Variants in SULF1 observed in about 807,000 individuals in gnomAD.
SULF1 encodes the protein sulfatase 1.
A neutral mutation model predicts 110.5 loss-of-function variants in SULF1; 46 were observed. The observed-to-expected ratio is 0.42, with a 90% CI of 0.33 to 0.53. The LOEUF is 0.53. SULF1 is among the 20% of genes least tolerant of loss of function. SULF1 has a pLI of 0.12. For synonymous variants in SULF1, 371 were observed against 387.1 expected (o/e 0.96, Z 0.49); for missense variants, 941 against 1,094.2 (o/e 0.86, Z 1.98).
At chr8:69,561,834 C>A (rs940663068) in intron 3 of SULF1, among the ~76,000 whole-genome samples, 3 of 152,198 alleles carry the variant, frequency 2.0e-5, no homozygotes, top group African/African-American at 7.2e-5. Context: ...CATTGTTTAT[C>A]ATTTTATTAC....
chr8:69,529,385 A>G (rs1345585671), intron 3 of SULF1, among the ~76,000 whole-genome samples: 1 of 152,174 alleles, frequency 6.6e-6, no homozygotes, highest in Non-Finnish European at 1.5e-5. Context: ...TGCTCTAACT[A>G]CGACCTCTAA....
chr8:69,629,680 G>A lies in SULF1; in HGVS notation c.2284+1G>A, dbSNP rs776145876. ...TGGCAGACAGCCCCGTTCTGGAACCGTAAGTTGCTTGTTCCAAATGCCACT... is the reference window on the plus strand; with the variant it reads ...TGGCAGACAGCCCCGTTCTGGAACCATAAGTTGCTTGTTCCAAATGCCACT... On this transcript the variant is annotated splice_donor_variant, in intron 19 of 22. Coordinates refer to ENST00000402687, the MANE Select transcript of SULF1 (RefSeq NM_001128205.2). LOFTEE classifies it high-confidence loss of function. 3 of 1,595,320 alleles carry A rather than the reference G, an allele frequency of 1.9e-6. No individual in the cohort carries two copies. Among genetic ancestry groups the A allele is most frequent in the South Asian group, 1.1e-5 (1 of 88,192 alleles).
intron 7 of SULF1, among the ~76,000 whole-genome samples, chr8:69,588,669 G>A (rs182847762): frequency 4.6e-5 from 7 of 152,108 alleles, no homozygotes; most frequent in Admixed American, 2.0e-4. Flanking sequence ...TACTTTTATC[G>A]CCAGATTAAT....
intron 8 of SULF1, among the ~76,000 whole-genome samples, chr8:69,596,915 T>G (rs572468633): frequency 3.3e-5 from 5 of 152,280 alleles, no homozygotes; most frequent in African/African-American, 1.2e-4. Context: ...CAAGAACTCT[T>G]TAAAGTTGTT....
intron 1 of SULF1, among the ~76,000 whole-genome samples, chr8:69,487,211 C>T (rs1169260879): frequency 6.6e-6 from 1 of 152,180 alleles, no homozygotes; most frequent in Non-Finnish European, 1.5e-5. Flanking sequence ...GTACCAAGTA[C>T]TTTTTAATCC....
At chr8:69,524,177 A>G (rs1175325975) in intron 3 of SULF1, among the ~76,000 whole-genome samples, 1 of 152,070 alleles carries the variant, frequency 6.6e-6, no homozygotes, top group Non-Finnish European at 1.5e-5. Flanking sequence ...AGAGAAGAAA[A>G]GCAGGCCGGC....
At chr8:69,566,800 A>G (rs1815915411) in intron 5 of SULF1, among the ~76,000 whole-genome samples, 1 of 151,972 alleles carries the variant, frequency 6.6e-6, no homozygotes, top group South Asian at 2.1e-4. Context: ...CAGTGAGCCG[A>G]GATCACACCA....
intron 15 of SULF1, chr8:69,625,832 C>T (rs1025151606): frequency 6.6e-6 from 1 of 152,456 alleles, no homozygotes; most frequent in Non-Finnish European, 1.5e-5. Flanking sequence ...TGCTTTTATT[C>T]TCTTATCTGG....
At chr8:69,612,394 C>T (rs1274640256) in intron 13 of SULF1, among the ~76,000 whole-genome samples, 4 of 152,128 alleles carry the variant, frequency 2.6e-5, no homozygotes, top group Non-Finnish European at 4.4e-5. Flanking sequence ...GATCGAATGG[C>T]GGTTCCATTC....
At chr8:69,595,195 G>A (rs189094038) in intron 8 of SULF1, among the ~76,000 whole-genome samples, 1 of 152,212 alleles carries the variant, frequency 6.6e-6, no homozygotes, top group East Asian at 1.9e-4. Flanking sequence ...TTTAAAGGAA[G>A]GCCCAGATGG....
intron 22 of SULF1, among the ~76,000 whole-genome samples, chr8:69,648,212 G>C (rs1812081997): frequency 6.6e-6 from 1 of 151,634 alleles, no homozygotes; most frequent in African/African-American, 2.4e-5. Context: ...TATTAACGCA[G>C]ATAGTCTGTT....
intron 3 of SULF1, among the ~76,000 whole-genome samples, chr8:69,509,524 A>G (rs113563216): frequency 2.6e-5 from 4 of 152,268 alleles, no homozygotes; most frequent in African/African-American, 7.2e-5. Flanking sequence ...GTTGACTTCA[A>G]ATCATCTTTA....
intron 1 of SULF1, among the ~76,000 whole-genome samples, chr8:69,468,525 A>T (rs189694699): frequency 6.6e-6 from 1 of 152,316 alleles, no homozygotes; most frequent in East Asian, 1.9e-4. Context: ...TATCCTCATA[A>T]ATACCCAGGC....
rs77728226 is a variant in SULF1, at chr8:69,589,082, C to T, written c.675C>T (p.His225=). The T allele has an allele frequency of 7.4e-3, 11,944 of 1,614,164 alleles. 68 individuals are homozygous for T. Among genetic ancestry groups the T allele is most frequent in the Middle Eastern group, 0.014 (85 of 6,062 alleles). Residue 225 remains histidine, a synonymous_variant, in exon 8 of 23, where the codon CAC becomes CAT. Coordinates refer to ENST00000402687, the MANE Select transcript of SULF1 (RefSeq NM_001128205.2). ...TGGTGATCAGCCACGCTGCGCCCCA[C>T]GGCCCCGAGGACTCAGCCCCACAGT... is the stretch of plus-strand genomic sequence containing the variant. ...VMMVISHAAP[H]GPEDSAPQFS...
intron 1 of SULF1, chr8:69,473,326 G>C (rs181296810): frequency 2.0e-5 from 3 of 152,288 alleles, no homozygotes; most frequent in African/African-American, 4.8e-5. Context: ...ACTGCTGTCG[G>C]TGAGATTAAT....
At chr8:69,541,227 A>T (rs889706966) in intron 3 of SULF1, among the ~76,000 whole-genome samples, 1 of 152,220 alleles carries the variant, frequency 6.6e-6, no homozygotes, top group African/African-American at 2.4e-5. Flanking sequence ...ACACAGAAAT[A>T]TGAGGTTAAA....
chr8:69,502,839 C>A (rs1810910733), intron 3 of SULF1, among the ~76,000 whole-genome samples: 1 of 151,946 alleles, frequency 6.6e-6, no homozygotes, highest in Non-Finnish European at 1.5e-5. Context: ...AGGCGCCTGC[C>A]ACCACGCCCA....
chr8:69,490,554 C>A (rs189139578), upstream of SULF1, among the ~76,000 whole-genome samples: 188 of 152,290 alleles, frequency 1.2e-3, 1 homozygote, highest in African/African-American at 4.3e-3. Context: ...AGCCAGATTG[C>A]CTGGCCTCCC....
chr8:69,649,647 T>G (rs1308741709), intron 22 of SULF1, among the ~76,000 whole-genome samples: 1 of 152,180 alleles, frequency 6.6e-6, no homozygotes, highest in Admixed American at 6.5e-5. Context: ...GCCAGTTATT[T>G]TGTAAAATGT....
Sources: gnomAD v4.1 joint callset for allele counts (sites outside exome capture counted in the v4.1 genomes callset) on GRCh38, gnomAD v4.1.1 for gene constraint, MANE v1.5 for transcripts, NCBI Gene and HGNC (gene_info 2026-07-23, HGNC 2026-07-21) for gene names.